The following TXNDC11 variants were observed in gnomAD, a reference collection of about 807,000 sequenced individuals.
The protein encoded by TXNDC11 is thioredoxin domain containing 11, also known as thioredoxin domain-containing protein 11.
A neutral mutation model predicts 78.0 loss-of-function variants in TXNDC11; 68 were observed. That is an observed-to-expected ratio of 0.87 (90% CI 0.72 to 1.07). TXNDC11 has a LOEUF of 1.07. Ranked by LOEUF, TXNDC11 falls within the 50% of genes least tolerant of loss-of-function variation. The pLI, the probability that TXNDC11 is intolerant of heterozygous loss-of-function variation, is 0.00. For missense variants in TXNDC11, 1,389 were observed against 1,221.8 expected (o/e 1.14, Z -2.04); for synonymous variants, 571 against 495.2 (o/e 1.15, Z -2.03).
intron 5 of TXNDC11, among the ~76,000 whole-genome samples, chr16:11,706,303 C>A (rs2051177277): frequency 1.3e-5 from 2 of 152,200 alleles, no homozygotes; most frequent in African/African-American, 4.8e-5. Context: ...GTGACCACAG[C>A]CAGCATGTCT....
At chr16:11,724,815 C>T (rs1323306240) in intron 4 of TXNDC11, among the ~76,000 whole-genome samples, 3 of 152,090 alleles carry the variant, frequency 2.0e-5, no homozygotes, top group Non-Finnish European at 4.4e-5. Context: ...GCGTGATCTC[C>T]GCTCACTGCA....
intron 4 of TXNDC11, among the ~76,000 whole-genome samples, chr16:11,723,358 G>A (rs2051770447): frequency 6.6e-6 from 1 of 152,078 alleles, no homozygotes; most frequent in South Asian, 2.1e-4. Flanking sequence ...GCTGAGGCAG[G>A]TGGATCACTT....
At chr16:11,711,036 T>A (rs2051335983) in intron 5 of TXNDC11, among the ~76,000 whole-genome samples, 2 of 151,902 alleles carry the variant, frequency 1.3e-5, no homozygotes, top group Admixed American at 1.3e-4. Context: ...GTGCCGGACG[T>A]CATGCTAGAT....
At chr16:11,692,342 C>A (rs1168798893) in intron 7 of TXNDC11, 6 of 405,160 alleles carry the variant, frequency 1.5e-5, no homozygotes, top group Non-Finnish European at 2.6e-5. Flanking sequence ...ATGCTGCCAG[C>A]CTGTTACTTA....
At chr16:11,724,144 G>A (rs865860295) in intron 4 of TXNDC11, among the ~76,000 whole-genome samples, 62 of 152,180 alleles carry the variant, frequency 4.1e-4, no homozygotes, top group Middle Eastern at 6.8e-3. Flanking sequence ...TTAGCCAGGC[G>A]TGATGGTGGG....
rs1055852737 is a variant in TXNDC11 at position 11,697,552 on chromosome 16, T to A, written c.1107+573A>T. Reference sequence around the variant, plus strand: ...TCACGCCCAGAGCAGGCGCACCAGATGAAGCCGAAGACAGGCAGGAACAGC... The same window carrying A: ...TCACGCCCAGAGCAGGCGCACCAGAAGAAGCCGAAGACAGGCAGGAACAGC... On this transcript the variant is annotated intron_variant, in intron 7 of 11. Transcript: ENST00000283033. Among the ~76,000 whole-genome samples, 8 of 152,248 alleles carry A rather than the reference T, an allele frequency of 5.3e-5. No individual in the cohort carries two copies. The East Asian group carries it at 1.4e-3, about 26-fold the overall frequency.
At chr16:11,729,726 A>G (rs2051987959) in intron 4 of TXNDC11, among the ~76,000 whole-genome samples, 1 of 152,156 alleles carries the variant, frequency 6.6e-6, no homozygotes, top group Non-Finnish European at 1.5e-5. Context: ...AACTACTTTT[A>G]TAATTTTTTG....
chr16:11,719,746 T>A (rs2051647052), intron 5 of TXNDC11, among the ~76,000 whole-genome samples: 1 of 152,010 alleles, frequency 6.6e-6, no homozygotes, highest in East Asian at 1.9e-4. Flanking sequence ...AATCTTACAG[T>A]CTAGGGAAAA....
intron 5 of TXNDC11, among the ~76,000 whole-genome samples, chr16:11,704,497 T>G (rs1463048050): frequency 6.6e-6 from 1 of 152,146 alleles, no homozygotes; most frequent in Non-Finnish European, 1.5e-5. Flanking sequence ...AACTTTTCAG[T>G]GGAGAAACAC....
chr16:11,742,625 T>G lies in TXNDC11; in HGVS notation c.106A>C (p.Ser36Arg), dbSNP rs2141138599. Residue 36 changes from serine to arginine, a missense_variant, in exon 1 of 12, where the codon AGC (serine) becomes CGC (arginine). Coordinates refer to ENST00000283033, the MANE Select transcript of TXNDC11 (RefSeq NM_015914.7). ...GPAGSDCLSSSPTLATASSAG... is the reference protein window; with the variant it reads ...GPAGSDCLSSRPTLATASSAG... ...GAGGACGCTGTGGCCAGGGTCGGGC[T>G]CGAGCTGAGGCAGTCTGAGCCCGCG... 6.8e-7 allele frequency: 1 copy of G among 1,463,576 alleles called. No homozygotes were observed. The highest frequency in any genetic ancestry group is 3.0e-5 in the East Asian group (1 of 33,170). 90.7% of individuals were successfully genotyped at this position (1,463,576 alleles called of 1,614,324 possible). A position where few individuals can be genotyped will look rare whatever the true frequency, so the allele number is the denominator to read the frequency against.
chr16:11,711,996 G>A (rs1330682238), intron 5 of TXNDC11, among the ~76,000 whole-genome samples: 2 of 149,120 alleles, frequency 1.3e-5, no homozygotes, highest in Admixed American at 6.6e-5. Context: ...CTGTTTGACT[G>A]TAAGTTTGTG....
At position 11,714,790 on chromosome 16, in the gene TXNDC11, G is replaced by A. The variant is rs562832438; in HGVS notation, c.793+6787C>T. On this transcript the variant is annotated intron_variant, in intron 5 of 11. Coordinates refer to ENST00000283033, the MANE Select transcript of TXNDC11 (RefSeq NM_015914.7). Reference sequence around the variant, plus strand: ...ACCTGGTGGAGTACAGGGACACTACGCTGGAATCAAAGTTCTTCCTCCATT... The same window carrying A: ...ACCTGGTGGAGTACAGGGACACTACACTGGAATCAAAGTTCTTCCTCCATT... 4.9e-4 allele frequency among the ~76,000 whole-genome samples: 74 copies of A among 152,268 alleles called. 1 individual carries two copies. Among genetic ancestry groups the A allele is most frequent in the South Asian group, 4.8e-3 (23 of 4,818 alleles).
intron 5 of TXNDC11, among the ~76,000 whole-genome samples, chr16:11,702,753 G>C (rs2051069404): frequency 6.6e-6 from 1 of 152,158 alleles, no homozygotes; most frequent in Non-Finnish European, 1.5e-5. Context: ...AAGTAGCTAA[G>C]ATATAAAAAT....
At chr16:11,731,658 AT>A (rs1162003442) in intron 3 of TXNDC11, among the ~76,000 whole-genome samples, 1 of 151,882 alleles carries the variant, frequency 6.6e-6, no homozygotes, top group Admixed American at 6.6e-5. Context: ...GGCTGTGATT[AT>A]AATACCATAA....
In TXNDC11 at chr16:11,692,691, C is replaced by T. The variant is rs192310700; in HGVS notation, c.1108-609G>A. Among the ~76,000 whole-genome samples, 18 of 152,222 alleles carry T rather than the reference C, an allele frequency of 1.2e-4. No individual in the cohort carries two copies. In the East Asian group the frequency reaches 2.5e-3, roughly 21 times the overall value. On this transcript the variant is annotated intron_variant, in intron 7 of 11. Coordinates refer to ENST00000283033, the MANE Select transcript of TXNDC11 (RefSeq NM_015914.7). ...GTCTTGGAACGTATCACCAAGAATA[C>T]GCAGCAGGGTAGATGAGAGTGCAGG... is the stretch of plus-strand genomic sequence containing the variant.
chr16:11,728,054 C>T (rs997242923), intron 4 of TXNDC11, among the ~76,000 whole-genome samples: 3 of 152,160 alleles, frequency 2.0e-5, no homozygotes, highest in Non-Finnish European at 2.9e-5. Context: ...ACGTCAACTG[C>T]GCCAAGGTTG....
intron 5 of TXNDC11, 148 bp from the exon 6 acceptor site, chr16:11,700,712 GA>G: frequency 1.7e-6 from 1 of 576,126 alleles, no homozygotes; most frequent in Admixed American, 3.2e-5. Context: ...AGGCGCTGAG[GA>G]ACCTCTCCTC....
At chr16:11,735,139 G>A (rs2141121107) in intron 2 of TXNDC11, among the ~76,000 whole-genome samples, 1 of 152,310 alleles carries the variant, frequency 6.6e-6, no homozygotes. Flanking sequence ...TAAACTGAGA[G>A]CAGAAAGGGC....
At chr16:11,710,858 C>T (rs1443329514) in intron 5 of TXNDC11, among the ~76,000 whole-genome samples, 7 of 152,150 alleles carry the variant, frequency 4.6e-5, no homozygotes, top group Non-Finnish European at 7.3e-5. Context: ...CTTCAGGACT[C>T]ATTGGCCCCT....
Sources: gnomAD v4.1 joint callset for allele counts (sites outside exome capture counted in the v4.1 genomes callset) on GRCh38, gnomAD v4.1.1 for gene constraint, MANE v1.5 for transcripts, NCBI Gene and HGNC (gene_info 2026-07-23, HGNC 2026-07-21) for gene names.